DHRS7: variants seen among roughly 807,000 people sequenced by gnomAD.
The protein encoded by DHRS7 is dehydrogenase/reductase SDR family member 7.
In DHRS7, 34 loss-of-function variants were observed where a neutral mutation model predicts 38.9. That is an observed-to-expected ratio of 0.87 (90% confidence interval 0.66 to 1.16). DHRS7 has a LOEUF of 1.16. Ranked by LOEUF, DHRS7 falls within the 50% of genes most tolerant of loss-of-function variation. The pLI is 0.00. For missense variants in DHRS7, 421 were observed against 407.0 expected (o/e 1.03, Z -0.30); for synonymous variants, 158 against 153.1 (o/e 1.03, Z -0.24).
upstream of DHRS7, among the ~76,000 whole-genome samples, chr14:60,166,880 A>G (rs927275366): frequency 6.6e-6 from 1 of 152,208 alleles, no homozygotes; most frequent in African/African-American, 2.4e-5. Context: ...TTGACATGAG[A>G]AGCAATAAGC....
chr14:60,165,489 C>T (rs1445438601), upstream of DHRS7: 90 of 1,329,588 alleles, frequency 6.8e-5, no homozygotes, highest in Non-Finnish European at 8.0e-5. This position sits in a 1 kb window ranked among gnomAD's most constrained non-coding sequence, Gnocchi z 4.6. Flanking sequence ...GCACTCGCGG[C>T]CCCACTCGCG....
At chr14:60,157,449 C>CT (rs924367697) in intron 1 of DHRS7, among the ~76,000 whole-genome samples, 2 of 152,194 alleles carry the variant, frequency 1.3e-5, no homozygotes, top group African/African-American at 2.4e-5. Flanking sequence ...AGAACAGTCA[C>CT]TTAATAACGT....
At chr14:60,164,913 T>A (rs1896835835) in intron 1 of DHRS7, among the ~76,000 whole-genome samples, 1 of 152,212 alleles carries the variant, frequency 6.6e-6, no homozygotes, top group African/African-American at 2.4e-5. Flanking sequence ...CTCTTAACAG[T>A]TTGGCACTCC....
chr14:60,149,933 G>A, intron 5 of DHRS7, 132 bp downstream of exon 5: 1 of 873,668 alleles, frequency 1.1e-6, no homozygotes. Flanking sequence ...CATAATGGCA[G>A]GAGTTTTGTG....
rs765613116 is a variant in DHRS7, at chr14:60,150,087, G to C, written c.734C>G (p.Ser245Cys). 1 of 1,593,554 alleles carries C rather than the reference G, an allele frequency of 6.3e-7. No homozygotes were observed. The highest frequency in any genetic ancestry group is 1.1e-5 in the South Asian group (1 of 87,164). Residue 245 changes from serine to cysteine, a missense_variant, in exon 5 of 7, where the codon TCC (serine) becomes TGC (cysteine). Coordinates refer to ENST00000557185, the MANE Select transcript of DHRS7 (RefSeq NM_016029.4). ...GPVQSNIVEN[S>C]LAGEVTKTIG... Reference sequence around the variant, plus strand: ...TACCTTTGTGACTTCTCCAGCTAGGGAATTCTCCACAATATTTGATTGCAC... The same window carrying C: ...TACCTTTGTGACTTCTCCAGCTAGGCAATTCTCCACAATATTTGATTGCAC...
chr14:60,168,046 C>T (rs145072438), upstream of DHRS7, among the ~76,000 whole-genome samples: 72 of 152,270 alleles, frequency 4.7e-4, no homozygotes, highest in Middle Eastern at 6.8e-3. Context: ...CAGCTACAAG[C>T]GTTCAGGTCA....
upstream of DHRS7, chr14:60,166,111 T>C: frequency 1.4e-5 from 8 of 564,776 alleles, no homozygotes; most frequent in Non-Finnish European, 1.6e-5. Flanking sequence ...TCTTGCCTAC[T>C]CTAATACACA....
In DHRS7 at chr14:60,149,498, C is replaced by A. The variant is rs1896488785; in HGVS notation, c.827G>T (p.Ser276Ile). 1.2e-6 allele frequency: 2 copies of A among 1,614,144 alleles called. No homozygotes were observed. The highest frequency in any genetic ancestry group is 1.7e-6 in the Non-Finnish European group (2 of 1,180,024). The change falls in exon 6 of 7, where the codon AGC (serine) becomes ATC (isoleucine). Residue 276 changes from serine (S) to isoleucine (I), a missense_variant. Ser to Ile is a moderately radical substitution (Grantham distance 142). Coordinates refer to ENST00000557185, the MANE Select transcript of DHRS7 (RefSeq NM_016029.4). ...AACTTCTTTCAAATCATTGGCCATGCTGATTAACATCAGCCGCACACAACG... is the reference window on the plus strand; with the variant it reads ...AACTTCTTTCAAATCATTGGCCATGATGATTAACATCAGCCGCACACAACG... ...TSRCVRLMLI[S>I]MANDLKEVWI...
At chr14:60,150,836 G>A (rs1213477761) in intron 4 of DHRS7, among the ~76,000 whole-genome samples, 1 of 152,100 alleles carries the variant, frequency 6.6e-6, no homozygotes, top group Non-Finnish European at 1.5e-5. Flanking sequence ...GGTATAAATG[G>A]TTCACCCCCT....
intron 1 of DHRS7, among the ~76,000 whole-genome samples, chr14:60,158,232 GAAAAAAAAAAA>G (rs34207942): frequency 1.2e-5 from 1 of 83,200 alleles, no homozygotes; most frequent in Non-Finnish European, 2.3e-5. Context: ...GACTCTGTCG[GAAAAAAAAAAA>G]AAAAAAAAAA....
chr14:60,155,391 A>G (rs553085621), intron 2 of DHRS7, among the ~76,000 whole-genome samples: 2 of 152,246 alleles, frequency 1.3e-5, no homozygotes, highest in South Asian at 2.1e-4. Context: ...GGAAGTTGCA[A>G]TGAGCCAAGA....
upstream of DHRS7, among the ~76,000 whole-genome samples, chr14:60,167,755 G>T (rs567409159): frequency 3.9e-5 from 6 of 152,282 alleles, no homozygotes; most frequent in African/African-American, 1.4e-4. Context: ...AACAATAAGG[G>T]GTTTGTGGTT....
At chr14:60,168,025 T>G (rs1322048951), upstream of DHRS7, among the ~76,000 whole-genome samples, 3 of 152,222 alleles carry the variant, frequency 2.0e-5, no homozygotes, top group East Asian at 1.9e-4. Flanking sequence ...TACACCTGCC[T>G]GGCTGTACCC....
intron 2 of DHRS7, among the ~76,000 whole-genome samples, chr14:60,155,213 C>T (rs1896632846): frequency 6.6e-6 from 1 of 152,078 alleles, no homozygotes; most frequent in Non-Finnish European, 1.5e-5. Context: ...TTTTGGGAGG[C>T]CGAGGCAGGC....
chr14:60,148,165 C>A lies in DHRS7; in HGVS notation c.972+1188G>T, dbSNP rs1595190098. The A allele has an allele frequency of 6.6e-6, 1 of 152,046 alleles. No homozygotes were observed. The highest frequency in any genetic ancestry group is 1.9e-4 in the East Asian group (1 of 5,202). The allele number at this position is 152,046 out of a possible 1,614,324, so 9.4% of individuals were successfully genotyped here. On this transcript the variant is annotated intron_variant, in intron 6 of 6. Coordinates refer to ENST00000557185, the MANE Select transcript of DHRS7 (RefSeq NM_016029.4). This position sits in a 1 kb window ranked among gnomAD's most constrained non-coding sequence, Gnocchi z 4.8. ...TTTTGTTGTGTTTGTAACTTTTTAC[C>A]CCCTAATTCATTTTCACTGTCCTGC...
chr14:60,164,237 A>C (rs1284890146), intron 1 of DHRS7, among the ~76,000 whole-genome samples: 36 of 87,738 alleles, frequency 4.1e-4, no homozygotes, highest in Admixed American at 9.9e-4. Flanking sequence ...GATCAATATC[A>C]CCCCCCTCAA....
At chr14:60,154,847 T>C (rs533227183) in intron 2 of DHRS7, among the ~76,000 whole-genome samples, 1 of 152,234 alleles carries the variant, frequency 6.6e-6, no homozygotes, top group African/African-American at 2.4e-5. Flanking sequence ...ACTCCACCAG[T>C]ACAGGACTTG....
upstream of DHRS7, among the ~76,000 whole-genome samples, chr14:60,167,308 C>T (rs989481730): frequency 6.6e-6 from 1 of 152,188 alleles, no homozygotes; most frequent in Non-Finnish European, 1.5e-5. Context: ...CCTTGAAGTT[C>T]GGAAGTTAAT....
intron 1 of DHRS7, 98 bp from the exon 2 acceptor site, chr14:60,156,250 C>A: frequency 9.1e-7 from 1 of 1,094,506 alleles, no homozygotes; most frequent in Non-Finnish European, 1.2e-6. Context: ...AACAATACCA[C>A]TAAATATGAA....
Sources: gnomAD v4.1 joint callset for allele counts (sites outside exome capture counted in the v4.1 genomes callset) on GRCh38, gnomAD v4.1.1 for gene constraint, Gnocchi (gnomAD v3.1) non-coding constraint, MANE v1.5 for transcripts, NCBI Gene and HGNC (gene_info 2026-07-23, HGNC 2026-07-21) for gene names.